MUC3A: variants seen among roughly 807,000 people sequenced by gnomAD.
MUC3A encodes the protein mucin-3A.
Under a neutral mutation model 109.0 loss-of-function variants are expected in MUC3A, and 109 were observed. That is an observed-to-expected ratio of 1.00 (90% CI 0.86 to 1.17). The LOEUF (loss-of-function observed/expected upper bound fraction) is 1.17. MUC3A is among the 50% of genes most tolerant of loss of function. MUC3A has a pLI of 0.00. For missense variants in MUC3A, 3,537 were observed against 2,469.4 expected (o/e 1.43, Z -9.16); for synonymous variants, 1,398 against 981.4 (o/e 1.42, Z -7.93).
chr7:100,957,905 C>T lies in MUC3A; in HGVS notation c.6126C>T (p.Ser2042=), dbSNP rs1341076762. Residue 2042 remains serine (S), a synonymous_variant, in exon 2 of 12, where the codon AGC becomes AGT. Transcript: ENST00000379458. ...TTETTSHSTP[S]FTSSITTETT... ...AGACCACATCCCATAGTACTCCCAGCTTCACTTCTTCGATCACCACCGAGA... is the reference window on the plus strand; with the variant it reads ...AGACCACATCCCATAGTACTCCCAGTTTCACTTCTTCGATCACCACCGAGA... 27,101 of 797,402 alleles carry T rather than the reference C, an allele frequency of 0.034. 1,215 individuals carry two copies. The highest frequency in any genetic ancestry group is 0.16 in the South Asian group (11,658 of 71,172). The allele number at this position is 797,402 out of a possible 1,614,324, so 49.4% of individuals were successfully genotyped here.
chr7:100,953,385 T>A lies in MUC3A; in HGVS notation c.1606T>A (p.Ser536Thr), dbSNP rs1405264297. 9.3e-5 allele frequency: 47 copies of A among 505,422 alleles called. No homozygotes were observed. The highest frequency in any genetic ancestry group is 1.5e-4 in the Non-Finnish European group (44 of 291,134). 31.3% of individuals were successfully genotyped at this position (505,422 alleles called of 1,614,324 possible). A position where few individuals can be genotyped will look rare whatever the true frequency, so the allele number is the denominator to read the frequency against. Residue 536 changes from serine to threonine, a missense_variant, in exon 2 of 12, where the codon TCA becomes ACA. Transcript: ENST00000379458. ...LTTFPATYSF[S>T]SSMSASSAGT... is the part of the protein sequence containing the mutation. ...GACCTTCCCAGCAACATATTCATTT[T>A]CATCTTCCATGTCTGCCAGCAGTGC...
chr7:100,962,935 A>G (rs1792387445), intron 3 of MUC3A, among the ~76,000 whole-genome samples: 1 of 152,288 alleles, frequency 6.6e-6, no homozygotes, highest in African/African-American at 2.4e-5. Flanking sequence ...GGCTCACTAC[A>G]ACCTCCGCCT....
rs1792398309 is a variant in MUC3A, at chr7:100,963,192, C to G, written c.9094C>G (p.Gln3032Glu). The G allele has an allele frequency of 1.3e-6, 2 of 1,598,362 alleles. No individual in the cohort carries two copies. Among genetic ancestry groups the G allele is most frequent in the Non-Finnish European group, 1.7e-6 (2 of 1,179,770 alleles). The stretch of plus-strand genomic sequence containing the variant: ...GGTGGGCATGGAAGTGTCTGTGGAT[C>G]AGCAGTTCTCGCCGGACCTCAATGA... ...TEVGMEVSVDQQFSPDLNDNT... is the reference protein window; with the variant it reads ...TEVGMEVSVDEQFSPDLNDNT... Residue 3032 changes from glutamine (Q) to glutamate (E), a missense_variant, in exon 4 of 12, where the codon CAG (glutamine) becomes GAG (glutamate). Gln to Glu is a conservative substitution (Grantham distance 29). Transcript: ENST00000379458.
At position 100,958,971 on chromosome 7, in the gene MUC3A, A is replaced by C. The variant is rs542417814; in HGVS notation, c.7192A>C (p.Thr2398Pro). The C allele has an allele frequency of 3.8e-6, 6 of 1,586,764 alleles. No homozygotes were observed. The highest frequency in any genetic ancestry group is 1.1e-5 in the South Asian group (1 of 89,928). ...TCCTGGCCTCACTTCGTGGGTCACC[A>C]CCACCAAGACCACCTCACACATTAC... ...STPGLTSWVT[T>P]TKTTSHITPG... The change falls in exon 2 of 12, where the codon ACC becomes CCC. Residue 2398 changes from threonine (T) to proline (P), a missense_variant. Physicochemically the swap from Thr to Pro is conservative, Grantham distance 38. Transcript: ENST00000379458.
rs748319946 is a variant in MUC3A, at chr7:100,959,874, A to C, written c.8095A>C (p.Ile2699Leu). ...GTCCTCTTCTCCATCTTCTGCCAGC[A>C]TAACTCCAGTGTTTTCCACTACCAT... ...IMSSSPSSAS[I>L]TPVFSTTIHS... The change falls in exon 2 of 12, where the codon ATA becomes CTA. Residue 2699 changes from isoleucine to leucine, a missense_variant. Transcript: ENST00000379458. 2.9e-5 allele frequency: 45 copies of C among 1,555,658 alleles called. No homozygotes were observed. In the African/African-American group the frequency reaches 5.7e-4, roughly 20 times the overall value.
chr7:100,957,548 A>G lies in MUC3A; in HGVS notation c.5769A>G (p.Arg1923=). ...AGACCCCCTCACACAGTACTCCCAGATTCACTTCTTCAATCACCACTACCG... is the reference window on the plus strand; with the variant it reads ...AGACCCCCTCACACAGTACTCCCAGGTTCACTTCTTCAATCACCACTACCG... ...TTETPSHSTP[R]FTSSITTTET... Residue 1923 remains arginine (R), a synonymous_variant, in exon 2 of 12, where the codon AGA becomes AGG. Coordinates refer to ENST00000379458, the MANE Select transcript of MUC3A (RefSeq NM_005960.2). 5.6e-6 allele frequency: 6 copies of G among 1,071,314 alleles called. No individual in the cohort carries two copies. Among genetic ancestry groups the G allele is most frequent in the Non-Finnish European group, 6.6e-6 (6 of 908,062 alleles). The allele number at this position is 1,071,314 out of a possible 1,614,324, so 66.4% of individuals were successfully genotyped here. A position where few individuals can be genotyped will look rare whatever the true frequency, so the allele number is the denominator to read the frequency against.
rs1792010196 is a variant in MUC3A at position 100,952,959 on chromosome 7, A to T, written c.1180A>T (p.Ile394Phe). 1.9e-6 allele frequency: 3 copies of T among 1,565,618 alleles called. No individual in the cohort carries two copies. The South Asian group carries it at 3.4e-5, about 18-fold the overall frequency. The change falls in exon 2 of 12, where the codon ATC (isoleucine) becomes TTC (phenylalanine). Residue 394 changes from isoleucine (I) to phenylalanine (F), a missense_variant. Physicochemically the swap from Ile to Phe is conservative, Grantham distance 21. Coordinates refer to ENST00000379458, the MANE Select transcript of MUC3A (RefSeq NM_005960.2). ...MTNLVTTTTE[I>F]SSHSTPSFSS... ...AAACTTGGTAACCACCACCACTGAG[A>T]TCTCCTCCCACAGTACTCCCAGCTT...
Position 100,956,909 on chromosome 7 carries a change from A to G in MUC3A, c.5130A>G (p.Thr1710=). Residue 1710 remains threonine, a synonymous_variant, in exon 2 of 12, where the codon ACA becomes ACG. Transcript: ENST00000379458. ...CCACCATGTCATTCACAACATTTAC[A>G]AAGATGGAAACACCTTCATCCACTG... The part of the protein sequence containing the change: ...PTTTMSFTTF[T]KMETPSSTVA... 2.4e-6 allele frequency: 1 copy of G among 412,070 alleles called. No homozygotes were observed. The highest frequency in any genetic ancestry group is 5.5e-4 in the Middle Eastern group (1 of 1,814). 25.5% of individuals were successfully genotyped at this position (412,070 alleles called of 1,614,324 possible).
chr7:100,961,745 G>T (rs906085702), intron 3 of MUC3A, among the ~76,000 whole-genome samples: 1 of 152,306 alleles, frequency 6.6e-6, no homozygotes, highest in African/African-American at 2.4e-5. Flanking sequence ...TCCAGGAGGT[G>T]GATATTGCAG....
At position 100,960,906 on chromosome 7, in the gene MUC3A, T is replaced by C; in HGVS notation, c.9021T>C (p.Ser3007=). The C allele has an allele frequency of 6.3e-7, 1 of 1,598,540 alleles. No homozygotes were observed. Among genetic ancestry groups the C allele is most frequent in the Non-Finnish European group, 8.5e-7 (1 of 1,179,816 alleles). ...CQCPSTFYGS[S]CEFAVEQVDL... ...GCCCCAGCACCTTCTATGGTTCCAG[T>C]TGTGAGTTTGCTGTGGAACAGGTGG... is the stretch of plus-strand genomic sequence containing the variant. Residue 3007 remains serine (S), a synonymous_variant, in exon 3 of 12, where the codon AGT becomes AGC. Coordinates refer to ENST00000379458, the MANE Select transcript of MUC3A (RefSeq NM_005960.2).
rs952490894 is a variant in MUC3A at position 100,965,817 on chromosome 7, G to C, written c.9562G>C (p.Asp3188His). 4.4e-6 allele frequency: 7 copies of C among 1,597,474 alleles called. No homozygotes were observed. The highest frequency in any genetic ancestry group is 5.9e-6 in the Non-Finnish European group (7 of 1,179,058). The change falls in exon 8 of 12, where the codon GAC (aspartate) becomes CAC (histidine). Residue 3188 changes from aspartate to histidine, a missense_variant. Physicochemically the swap from Asp to His is moderately conservative, Grantham distance 81. Transcript: ENST00000379458. ...CACGTCGGGGGTGGACAACGCCATCGACTGTCACCAGGGCCAGTGCGTTCT... is the reference window on the plus strand; with the variant it reads ...CACGTCGGGGGTGGACAACGCCATCCACTGTCACCAGGGCCAGTGCGTTCT... Reference protein sequence around the residue: ...KCTSGVDNAIDCHQGQCVLET... With the variant: ...KCTSGVDNAIHCHQGQCVLET...
rs766358676 is a variant in MUC3A, at chr7:100,964,768, G to A, written c.9307G>A (p.Glu3103Lys). 8.8e-6 allele frequency: 14 copies of A among 1,598,354 alleles called. No individual in the cohort carries two copies. In the South Asian group the frequency reaches 1.1e-4, roughly 13 times the overall value. ...PFSPQLESEY[E>K]QVKTTLKEGL... is the part of the protein sequence containing the mutation. Reference sequence around the variant, plus strand: ...CAGCCCCCAGCTGGAGAGCGAGTATGAGCAGGTGAAGACCACGCTGAAGGA... The same window carrying A: ...CAGCCCCCAGCTGGAGAGCGAGTATAAGCAGGTGAAGACCACGCTGAAGGA... The change falls in exon 6 of 12, where the codon GAG (glutamate) becomes AAG (lysine). Residue 3103 changes from glutamate (E) to lysine (K), a missense_variant. Transcript: ENST00000379458.
Position 100,956,651 on chromosome 7 carries a change from C to G in MUC3A, c.4872C>G (p.Thr1624=). The change falls in exon 2 of 12, where the codon ACC becomes ACG. Residue 1624 remains threonine (T), a synonymous_variant. Coordinates refer to ENST00000379458, the MANE Select transcript of MUC3A (RefSeq NM_005960.2). The part of the protein sequence containing the change: ...PSSPTVQNTE[T]SIFVSMMSAT... ...CTCCCACTGTCCAGAATACAGAAAC[C>G]TCAATCTTTGTTAGCATGATGTCTG... 1 of 399,892 alleles carries G rather than the reference C, an allele frequency of 2.5e-6. No individual in the cohort carries two copies. The highest frequency in any genetic ancestry group is 3.6e-5 in the East Asian group (1 of 28,088). 24.8% of individuals were successfully genotyped at this position (399,892 alleles called of 1,614,324 possible).
chr7:100,966,306 C>T (rs1041195015), intron 8 of MUC3A, 80 bp from the exon 9 acceptor site: 41 of 1,179,070 alleles, frequency 3.5e-5, no homozygotes, highest in Admixed American at 6.4e-5. Flanking sequence ...CGCCCCCTCA[C>T]CCGCCCCCGC....
rs749387405 is a variant in MUC3A at position 100,966,715 on chromosome 7, A to C, written c.9849A>C (p.Ser3283=). 1 of 1,598,558 alleles carries C rather than the reference A, an allele frequency of 6.3e-7. No homozygotes were observed. The highest frequency in any genetic ancestry group is 1.1e-5 in the South Asian group (1 of 91,092). The part of the protein sequence containing the change: ...TWDEEVVGTF[S]NWGFEDDGTD... The stretch of plus-strand genomic sequence containing the variant: ...ATGAGGAAGTCGTGGGCACTTTTTC[A>C]AACTGGGGTTTCGAGGACGACGGAA... The change falls in exon 10 of 12, where the codon TCA becomes TCC. Residue 3283 remains serine (S), a synonymous_variant. Coordinates refer to ENST00000379458, the MANE Select transcript of MUC3A (RefSeq NM_005960.2).
At position 100,959,383 on chromosome 7, in the gene MUC3A, C is replaced by G. The variant is rs1792234394; in HGVS notation, c.7604C>G (p.Thr2535Arg). The G allele has an allele frequency of 6.5e-7, 1 of 1,538,800 alleles. No homozygotes were observed. The highest frequency in any genetic ancestry group is 8.7e-7 in the Non-Finnish European group (1 of 1,152,484). Residue 2535 changes from threonine to arginine, a missense_variant, in exon 2 of 12, where the codon ACA becomes AGA. Physicochemically the swap from Thr to Arg is moderately conservative, Grantham distance 71 (BLOSUM62 -1). Transcript: ENST00000379458. The part of the protein sequence containing the change: ...IISSSPSIQS[T>R]ETSSLVGTTS... Reference sequence around the variant, plus strand: ...TCATCTTCTCCCTCCATCCAAAGTACAGAAACCTCATCCCTTGTGGGCACC... The same window carrying G: ...TCATCTTCTCCCTCCATCCAAAGTAGAGAAACCTCATCCCTTGTGGGCACC...
Position 100,966,939 on chromosome 7 carries a change from C to T in MUC3A, c.9918C>T (p.Asp3306=), listed in dbSNP as rs762324850. Residue 3306 remains aspartate, a synonymous_variant, in exon 11 of 12, where the codon GAC becomes GAT. Transcript: ENST00000379458. ...TCTATGTGGCCTTGGAGAACGTGGA[C>T]ACCACTATGAAGGTGAGGGGCTAAA... ...TNFYVALENV[D]TTMKVHIKRP... is the part of the protein sequence containing the mutation. The T allele has an allele frequency of 6.3e-7, 1 of 1,598,554 alleles. No homozygotes were observed. The highest frequency in any genetic ancestry group is 1.1e-5 in the South Asian group (1 of 91,092).
In MUC3A at chr7:100,960,232, C is replaced by T. The variant is rs1412077613; in HGVS notation, c.8453C>T (p.Ser2818Phe). 1 of 1,598,254 alleles carries T rather than the reference C, an allele frequency of 6.3e-7. No homozygotes were observed. The highest frequency in any genetic ancestry group is 2.2e-5 in the East Asian group (1 of 44,884). The change falls in exon 2 of 12, where the codon TCC becomes TTC. Residue 2818 changes from serine to phenylalanine, a missense_variant. Coordinates refer to ENST00000379458, the MANE Select transcript of MUC3A (RefSeq NM_005960.2). The stretch of plus-strand genomic sequence containing the variant: ...ACCGAAATGGTCACCTGTCCTACCT[C>T]CATCAGTATCCAAACTACTCTTACT... ...FTTEMVTCPT[S>F]ISIQTTLTTY...
chr7:100,959,656 C>T lies in MUC3A; in HGVS notation c.7877C>T (p.Thr2626Ile), dbSNP rs1179447950. ...PSTALSTIVS[T>I]SQVPIPSTHS... The stretch of plus-strand genomic sequence containing the variant: ...ACAGCCTTGAGCACGATCGTGTCAA[C>T]ATCACAGGTTCCTATTCCTAGCACA... Residue 2626 changes from threonine (T) to isoleucine (I), a missense_variant, in exon 2 of 12, where the codon ACA (threonine) becomes ATA (isoleucine). Thr to Ile is a moderately conservative substitution (Grantham distance 89). Coordinates refer to ENST00000379458, the MANE Select transcript of MUC3A (RefSeq NM_005960.2). 6 of 1,598,420 alleles carry T rather than the reference C, an allele frequency of 3.8e-6. No homozygotes were observed. The African/African-American group carries it at 4.0e-5, about 11-fold the overall frequency.
Sources: gnomAD v4.1 joint callset for allele counts (sites outside exome capture counted in the v4.1 genomes callset) on GRCh38, gnomAD v4.1.1 for gene constraint, MANE v1.5 for transcripts, NCBI Gene and HGNC (gene_info 2026-07-23, HGNC 2026-07-21) for gene names.